PARD3: variants seen among roughly 807,000 people sequenced by gnomAD.
The protein encoded by PARD3 is partitioning defective 3 homolog.
A neutral mutation model predicts 155.4 loss-of-function variants in PARD3; 75 were observed. That is an observed-to-expected ratio of 0.48 (90% CI 0.40 to 0.58). The LOEUF (loss-of-function observed/expected upper bound fraction) is 0.58. Among genes scored for constraint, PARD3 ranks in the 20% least tolerant of loss-of-function variants. The probability of loss-of-function intolerance (pLI) is 0.00; values close to 1 mark genes in which losing one functional copy is unlikely to be tolerated. For missense variants in PARD3, 1,642 were observed against 1,721.7 expected (o/e 0.95, Z 0.82); for synonymous variants, 576 against 610.5 (o/e 0.94, Z 0.83).
intron 1 of PARD3, among the ~76,000 whole-genome samples, chr10:34,803,565 C>T (rs747911869): frequency 9.2e-5 from 14 of 152,060 alleles, no homozygotes; most frequent in Non-Finnish European, 1.5e-4. Context: ...CCAAGGCAGG[C>T]GGATGACTTT....
rs149173760 is a variant in PARD3, at chr10:34,311,301, T to C, written c.3065+5806A>G. ...TTTTTTAATAGAGACAGGGCCTTACTGTGTGGCCCAGGCTCGTCTCGAACT... is the reference window on the plus strand; with the variant it reads ...TTTTTTAATAGAGACAGGGCCTTACCGTGTGGCCCAGGCTCGTCTCGAACT... On this transcript the variant is annotated intron_variant, in intron 20 of 24. Transcript: ENST00000374788. Among the ~76,000 whole-genome samples the C allele has an allele frequency of 1.1e-3, 174 of 152,302 alleles. 1 individual carries two copies. The highest frequency in any genetic ancestry group is 3.9e-3 in the African/African-American group (163 of 41,564).
rs1837370657 is a variant in PARD3, at chr10:34,345,895, T to G, written c.2218+2070A>C. 9.1e-6 allele frequency: 9 copies of G among 985,248 alleles called. 1 individual carries two copies. The South Asian group carries it at 4.2e-4, about 46-fold the overall frequency. 61.0% of individuals were successfully genotyped at this position (985,248 alleles called of 1,614,324 possible). On this transcript the variant is annotated intron_variant, in intron 15 of 24. Coordinates refer to ENST00000374788, the MANE Select transcript of PARD3 (RefSeq NM_001184785.2). Reference sequence around the variant, plus strand: ...ACAAAAAGTGAGGAATTTTCAAATTTGCAAAACACAAGATGAATCAAAATA... The same window carrying G: ...ACAAAAAGTGAGGAATTTTCAAATTGGCAAAACACAAGATGAATCAAAATA...
At chr10:34,238,548 A>T (rs1953381357) in intron 22 of PARD3, among the ~76,000 whole-genome samples, 1 of 152,238 alleles carries the variant, frequency 6.6e-6, no homozygotes, top group Non-Finnish European at 1.5e-5. Context: ...AGAAGCTGGT[A>T]GCCAACAATC....
chr10:34,464,646 T>C (rs932689347), intron 4 of PARD3, among the ~76,000 whole-genome samples: 1 of 152,032 alleles, frequency 6.6e-6, no homozygotes, highest in Non-Finnish European at 1.5e-5. Flanking sequence ...GAAAAAACCA[T>C]CAAATAAAGT....
At chr10:34,272,634 G>A (rs1183449569) in intron 21 of PARD3, among the ~76,000 whole-genome samples, 2 of 152,182 alleles carry the variant, frequency 1.3e-5, no homozygotes, top group African/African-American at 4.8e-5. Flanking sequence ...GCTGAGGTGA[G>A]AGGATTGCCT....
chr10:34,171,465 T>C (rs1949788358), intron 22 of PARD3, among the ~76,000 whole-genome samples: 1 of 152,290 alleles, frequency 6.6e-6, no homozygotes, highest in Admixed American at 6.5e-5. Context: ...TTAATTTAAC[T>C]TGTAGAAGTA....
At chr10:34,661,999 G>A (rs2093337111) in intron 2 of PARD3, among the ~76,000 whole-genome samples, 1 of 152,154 alleles carries the variant, frequency 6.6e-6, no homozygotes, top group Non-Finnish European at 1.5e-5. Context: ...CTGGGGAGAT[G>A]GTTAAATTCT....
intron 23 of PARD3, among the ~76,000 whole-genome samples, chr10:34,128,017 T>C (rs182295520): frequency 6.6e-6 from 1 of 152,218 alleles, no homozygotes; most frequent in Non-Finnish European, 1.5e-5. Flanking sequence ...AAAAATGCCA[T>C]TAATAGTAAT....
chr10:34,144,458 C>T (rs962900596), intron 22 of PARD3, among the ~76,000 whole-genome samples: 2 of 152,066 alleles, frequency 1.3e-5, no homozygotes, highest in African/African-American at 4.8e-5. Flanking sequence ...GGTTTCATTG[C>T]TTACTTTCAT....
intron 22 of PARD3, among the ~76,000 whole-genome samples, chr10:34,199,732 G>C (rs2133326744): frequency 6.6e-6 from 1 of 152,272 alleles, no homozygotes; most frequent in African/African-American, 2.4e-5. Flanking sequence ...CAAGAATAAA[G>C]GATGCAAGCT....
chr10:34,625,641 G>A (rs1035963251), intron 2 of PARD3, among the ~76,000 whole-genome samples: 9 of 152,208 alleles, frequency 5.9e-5, no homozygotes, highest in Admixed American at 3.9e-4. Context: ...GGCCAGGCGC[G>A]GTGGCTCACG....
chr10:34,522,128 C>T (rs1035861538), intron 2 of PARD3, among the ~76,000 whole-genome samples: 7 of 152,174 alleles, frequency 4.6e-5, no homozygotes, highest in African/African-American at 1.4e-4. Context: ...GAAAGATTAT[C>T]CTTCATTATC....
chr10:34,645,027 A>G (rs12268345), intron 2 of PARD3, among the ~76,000 whole-genome samples: 2,592 of 151,910 alleles, frequency 0.017, 70 homozygotes, highest in African/African-American at 0.059. Flanking sequence ...CTAATTTTTT[A>G]TATTTTGTAG....
At chr10:34,727,760 T>C (rs2094741218) in intron 1 of PARD3, among the ~76,000 whole-genome samples, 1 of 151,814 alleles carries the variant, frequency 6.6e-6, no homozygotes, top group Admixed American at 6.6e-5. Context: ...TGCTGGAGAA[T>C]GAAAAGGTTT....
intron 19 of PARD3, among the ~76,000 whole-genome samples, chr10:34,329,374 A>G (rs1835376057): frequency 1.3e-5 from 2 of 152,182 alleles, no homozygotes; most frequent in Non-Finnish European, 2.9e-5. Flanking sequence ...AAGGGGCCAA[A>G]GCATAGTAAT....
At chr10:34,664,851 G>A (rs2093411225) in intron 2 of PARD3, among the ~76,000 whole-genome samples, 1 of 152,174 alleles carries the variant, frequency 6.6e-6, no homozygotes, top group Non-Finnish European at 1.5e-5. Context: ...AGGCTGTGAA[G>A]AGGTGTGTGC....
At chr10:34,291,613 T>C (rs1300988945) in intron 20 of PARD3, among the ~76,000 whole-genome samples, 3 of 152,214 alleles carry the variant, frequency 2.0e-5, no homozygotes, top group Non-Finnish European at 2.9e-5. Flanking sequence ...TTAGGTCATA[T>C]AGTGAGTGAG....
At chr10:34,189,893 G>GA (rs750271003) in intron 22 of PARD3, among the ~76,000 whole-genome samples, 16 of 152,232 alleles carry the variant, frequency 1.1e-4, no homozygotes, top group Non-Finnish European at 1.9e-4. Context: ...GCTTTCAAGT[G>GA]AAAATCAGAA....
chr10:34,119,959 G>A (rs1946895688), intron 23 of PARD3, among the ~76,000 whole-genome samples: 1 of 149,346 alleles, frequency 6.7e-6, no homozygotes, highest in Non-Finnish European at 1.5e-5. Context: ...TTTGGCTTTG[G>A]CATGTGGTTT....
Sources: gnomAD v4.1 joint callset for allele counts (sites outside exome capture counted in the v4.1 genomes callset) on GRCh38, gnomAD v4.1.1 for gene constraint, MANE v1.5 for transcripts, NCBI Gene and HGNC (gene_info 2026-07-23, HGNC 2026-07-21) for gene names.